The following CDH23 variants were observed in gnomAD, a reference collection of about 807,000 sequenced individuals.
CDH23 encodes the protein cadherin-23.
In CDH23, 189 loss-of-function variants were observed where a neutral mutation model predicts 317.1. That is an observed-to-expected ratio of 0.60 (90% CI 0.53 to 0.67). CDH23 has a LOEUF of 0.67. CDH23 is among the 30% of genes least tolerant of loss of function. The pLI is 0.00. For missense variants in CDH23, 4,401 were observed against 4,592.4 expected (o/e 0.96, Z 1.20); for synonymous variants, 1,839 against 1,876.8 (o/e 0.98, Z 0.52).
rs1175385675 is a variant in CDH23 at position 71,439,898 on chromosome 10, G to A, written c.67G>A (p.Gly23Ser). The A allele has an allele frequency of 3.2e-6, 5 of 1,570,530 alleles. No individual in the cohort carries two copies. Among genetic ancestry groups the A allele is most frequent in the African/African-American group, 1.3e-5 (1 of 74,102 alleles). Reference protein sequence around the residue: ...WLLVLISGCWGQVNRLPFFTN... With the variant: ...WLLVLISGCWSQVNRLPFFTN... Reference sequence around the variant, plus strand: ...TTTGGTGCTGATCTCTGGATGCTGGGGTAAGTCCAGTCCTCCCCGTGTCTA... The same window carrying A: ...TTTGGTGCTGATCTCTGGATGCTGGAGTAAGTCCAGTCCTCCCCGTGTCTA... Residue 23 changes from glycine (G) to serine (S), a missense_variant and splice_region_variant, in exon 2 of 70, where the codon GGC (glycine) becomes AGC (serine). Physicochemically the swap from Gly to Ser is moderately conservative, Grantham distance 56 (BLOSUM62 0). Coordinates refer to ENST00000224721, the MANE Select transcript of CDH23 (RefSeq NM_022124.6).
rs756520238 is a variant in CDH23, at chr10:71,617,293, C to T, written c.1034C>T (p.Ala345Val). The T allele has an allele frequency of 6.2e-7, 1 of 1,613,988 alleles. No homozygotes were observed. Among genetic ancestry groups the T allele is most frequent in the Non-Finnish European group, 8.5e-7 (1 of 1,179,888 alleles). ...NILVIDINDN[A>V]PEFNSSEYSV... Reference sequence around the variant, plus strand: ...CTGGTTATTGACATCAATGACAATGCCCCGGAGTTCAACAGCTCCGAGTAC... The same window carrying T: ...CTGGTTATTGACATCAATGACAATGTCCCGGAGTTCAACAGCTCCGAGTAC... The change falls in exon 11 of 70, where the codon GCC becomes GTC. Residue 345 changes from alanine to valine, a missense_variant. Coordinates refer to ENST00000224721, the MANE Select transcript of CDH23 (RefSeq NM_022124.6).
intron 3 of CDH23, among the ~76,000 whole-genome samples, chr10:71,475,551 A>G (rs1297134397): frequency 6.6e-6 from 1 of 152,194 alleles, no homozygotes; most frequent in Non-Finnish European, 1.5e-5. Flanking sequence ...AGATTTGACT[A>G]TAAATCTTCG....
Position 71,785,069 on chromosome 10 carries a change from A to G in CDH23, c.5681A>G (p.Asn1894Ser). 1 of 1,614,064 alleles carries G rather than the reference A, an allele frequency of 6.2e-7. No individual in the cohort carries two copies. Among genetic ancestry groups the G allele is most frequent in the Non-Finnish European group, 8.5e-7 (1 of 1,179,890 alleles). ...ARLTFNITAG[N>S]RERAFFINAT... ...CTCACCTTCAACATCACTGCGGGCAACCGCGAGCGGGCCTTCTTCATCAAT... is the reference window on the plus strand; with the variant it reads ...CTCACCTTCAACATCACTGCGGGCAGCCGCGAGCGGGCCTTCTTCATCAAT... The change falls in exon 43 of 70, where the codon AAC (asparagine) becomes AGC (serine). Residue 1894 changes from asparagine (N) to serine (S), a missense_variant. By Grantham distance (46) the Asn-to-Ser change is conservative (BLOSUM62 1). Transcript: ENST00000224721.
intron 3 of CDH23, among the ~76,000 whole-genome samples, chr10:71,471,591 C>A (rs1468152110): frequency 6.6e-6 from 1 of 152,146 alleles, no homozygotes; most frequent in African/African-American, 2.4e-5. Flanking sequence ...TTGCGTGGAC[C>A]CAGCTGAGCC....
rs113649626 is a variant in CDH23 at position 71,584,870 on chromosome 10, G to C, written c.832+6878G>C. 9.8e-3 allele frequency among the ~76,000 whole-genome samples: 1,490 copies of C among 152,318 alleles called. 32 individuals carry two copies. The highest frequency in any genetic ancestry group is 0.034 in the African/African-American group (1,405 of 41,572). Reference sequence around the variant, plus strand: ...AGCCCCAAACATCTCAGGGCATCTTGGGGAATGGCTCACCTGGCTGGAGCC... The same window carrying C: ...AGCCCCAAACATCTCAGGGCATCTTCGGGAATGGCTCACCTGGCTGGAGCC... On this transcript the variant is annotated intron_variant, in intron 9 of 69. Transcript: ENST00000224721.
At chr10:71,742,096 G>T (rs984773670) in intron 38 of CDH23, 175 bp downstream of exon 38, 5 of 631,692 alleles carry the variant, frequency 7.9e-6, no homozygotes, top group African/African-American at 7.3e-5. Flanking sequence ...CCTTACGGAG[G>T]CCTGTTGCGT....
chr10:71,739,908 G>T, intron 36 of CDH23, 136 bp downstream of exon 36: 1 of 1,057,650 alleles, frequency 9.5e-7, no homozygotes, highest in Non-Finnish European at 1.3e-6. Context: ...AGTAACATGG[G>T]GCCAGCTGCA....
At chr10:71,603,954 T>C (rs537892445) in intron 9 of CDH23, among the ~76,000 whole-genome samples, 46 of 152,322 alleles carry the variant, frequency 3.0e-4, no homozygotes, top group Admixed American at 2.4e-3. Flanking sequence ...GAAGCACGCA[T>C]CTTCCCCATC....
chr10:71,815,189 A>C lies in CDH23; in HGVS notation c.9976A>C (p.Asn3326His), dbSNP rs2133017983. ...TGCCGAGGCCACTGCCTTCGAGCGC[A>C]ACGCCCGCACAGAATCCGCCAAATC... is the stretch of plus-strand genomic sequence containing the variant. ...TAAEATAFER[N>H]ARTESAKSTP... Residue 3326 changes from asparagine (N) to histidine (H), a missense_variant, in exon 70 of 70, where the codon AAC becomes CAC. By Grantham distance (68) the Asn-to-His change is moderately conservative. Coordinates refer to ENST00000224721, the MANE Select transcript of CDH23 (RefSeq NM_022124.6). 5 of 1,610,532 alleles carry C rather than the reference A, an allele frequency of 3.1e-6. No homozygotes were observed. The highest frequency in any genetic ancestry group is 4.2e-6 in the Non-Finnish European group (5 of 1,178,090).
At chr10:71,502,091 TTTG>T (rs531536534) in intron 3 of CDH23, among the ~76,000 whole-genome samples, 488 of 152,250 alleles carry the variant, frequency 3.2e-3, no homozygotes, top group South Asian at 7.7e-3. Context: ...AGAAGGGGGC[TTTG>T]TCTGTTTGGT....
intron 14 of CDH23, among the ~76,000 whole-genome samples, chr10:71,660,280 G>A (rs1345774510): frequency 1.3e-5 from 2 of 152,058 alleles, no homozygotes; most frequent in Admixed American, 6.5e-5. Context: ...ATTTTGAATA[G>A]GTTACTTGTA....
At chr10:71,754,795 A>C (rs181599248) in intron 38 of CDH23, among the ~76,000 whole-genome samples, 19 of 152,322 alleles carry the variant, frequency 1.2e-4, no homozygotes, top group Non-Finnish European at 2.6e-4. Context: ...TTCCCTGGAA[A>C]GAGCATGCGT....
At chr10:71,677,824 G>C in intron 16 of CDH23, 131 bp downstream of exon 16, 1 of 736,424 alleles carries the variant, frequency 1.4e-6, no homozygotes, top group East Asian at 2.7e-5. Flanking sequence ...GGAGTGCAGT[G>C]GTACAATCAG....
intron 1 of CDH23, among the ~76,000 whole-genome samples, chr10:71,434,128 G>C (rs551146217): frequency 6.6e-6 from 1 of 151,928 alleles, no homozygotes; most frequent in East Asian, 2.0e-4. Context: ...CAGGGCCTTT[G>C]CACAGGCCGC....
chr10:71,732,489 A>C, intron 32 of CDH23, 114 bp downstream of exon 32: 1 of 1,454,860 alleles, frequency 6.9e-7, no homozygotes, highest in Non-Finnish European at 9.2e-7. Flanking sequence ...TGAGATGGCC[A>C]AGTGTGGTGT....
chr10:71,667,429 G>A (rs953415656), intron 14 of CDH23, among the ~76,000 whole-genome samples: 2 of 151,684 alleles, frequency 1.3e-5, no homozygotes, highest in Admixed American at 1.3e-4. Flanking sequence ...AGGTGTGGGA[G>A]ACCTCTGAGT....
chr10:71,646,431 T>A (rs758649511), intron 13 of CDH23, 28 bp from the exon 14 acceptor site: 8 of 1,610,064 alleles, frequency 5.0e-6, no homozygotes, highest in Non-Finnish European at 6.8e-6. Context: ...TGTGGGAGCT[T>A]ACCTGGGCCC....
chr10:71,566,471 C>T (rs1316356288), intron 6 of CDH23, among the ~76,000 whole-genome samples: 2 of 151,876 alleles, frequency 1.3e-5, no homozygotes, highest in African/African-American at 4.8e-5. Context: ...GTTTGGGGAC[C>T]GTAAGACCCC....
chr10:71,813,360 G>A lies in CDH23; in HGVS notation c.9738+12G>A. ...CCTCCATCTCTGAGGTAGCCGGCTG[G>A]GTGGCTGGGAGCTGTGTGCTGTGCC... On this transcript the variant is annotated intron_variant, in intron 69 of 69. Transcript: ENST00000224721. 1 of 1,549,878 alleles carries A rather than the reference G, an allele frequency of 6.5e-7. No individual in the cohort carries two copies.
Sources: allele counts gnomAD v4.1 joint callset (sites outside exome capture counted in the v4.1 genomes callset), GRCh38; gene constraint gnomAD v4.1.1; transcripts MANE v1.5; gene names NCBI Gene and HGNC (gene_info 2026-07-23, HGNC 2026-07-21).